The following LRRC27 variants were observed in gnomAD, a reference collection of about 807,000 sequenced individuals.
LRRC27 encodes leucine rich repeat containing 27, also known as leucine-rich repeat-containing protein 27.
LRRC27 carries 57 observed loss-of-function variants against 55.0 expected under a neutral mutation model. The ratio of observed to expected loss-of-function variants is 1.04; its 90% CI spans 0.84 to 1.29. The LOEUF (loss-of-function observed/expected upper bound fraction) is 1.29, where lower values mean the gene tolerates loss of function less well. Among genes scored for constraint, LRRC27 ranks in the 50% most tolerant of loss-of-function variants. The probability of loss-of-function intolerance (pLI) is 0.00; values close to 1 mark genes in which losing one functional copy is unlikely to be tolerated. For missense variants in LRRC27, 721 were observed against 651.5 expected (o/e 1.11, Z -1.16); for synonymous variants, 278 against 251.9 (o/e 1.10, Z -0.98).
At chr10:132,349,054 G>A in intron 6 of LRRC27, 1 of 1,603,926 alleles carries the variant, frequency 6.2e-7, no homozygotes, top group African/African-American at 1.3e-5. Context: ...TACACATATG[G>A]GAGGTATGTA....
In LRRC27 at chr10:132,375,705, G is replaced by A. The variant is rs2069329084; in HGVS notation, c.*463G>A. On this transcript the variant is annotated 3_prime_UTR_variant, in exon 11 of 11. Transcript: ENST00000368614. ...GGTGACAGCCAAAAAGGGCTTCGGG[G>A]GAGTGGTTACCCTGCTCCCTGCCCA... 1 of 153,638 alleles carries A rather than the reference G, an allele frequency of 6.5e-6. No individual in the cohort carries two copies. Among genetic ancestry groups the A allele is most frequent in the African/African-American group, 2.4e-5 (1 of 41,452 alleles). 9.5% of individuals were successfully genotyped at this position (153,638 alleles called of 1,614,324 possible). A position where few individuals can be genotyped will look rare whatever the true frequency, so the allele number is the denominator to read the frequency against.
intron 8 of LRRC27, among the ~76,000 whole-genome samples, chr10:132,360,133 C>T (rs1037712983): frequency 4.0e-5 from 6 of 150,904 alleles, no homozygotes; most frequent in Admixed American, 6.6e-5. Context: ...TATTTATTTA[C>T]GAGACAGGCT....
intron 10 of LRRC27, among the ~76,000 whole-genome samples, chr10:132,367,806 A>C (rs2069131248): frequency 6.6e-6 from 1 of 152,262 alleles, no homozygotes; most frequent in Non-Finnish European, 1.5e-5. Flanking sequence ...GGAGCAAGGC[A>C]AAGATATTCC....
chr10:132,340,319 G>A (rs1426373446), intron 3 of LRRC27, among the ~76,000 whole-genome samples: 5 of 152,118 alleles, frequency 3.3e-5, no homozygotes, highest in Non-Finnish European at 5.9e-5. Context: ...AGAAAAACCC[G>A]TGCTGTACTT....
chr10:132,363,769 C>G (rs753814293), intron 9 of LRRC27, among the ~76,000 whole-genome samples: 1 of 152,130 alleles, frequency 6.6e-6, no homozygotes, highest in African/African-American at 2.4e-5. Context: ...CTCAGTTTAA[C>G]GTACCCTGGA....
At chr10:132,354,255 C>T (rs1007017529) in intron 7 of LRRC27, among the ~76,000 whole-genome samples, 5 of 152,244 alleles carry the variant, frequency 3.3e-5, no homozygotes, top group Non-Finnish European at 5.9e-5. Flanking sequence ...CTTTATTTTC[C>T]TGCCTGGAGC....
intron 8 of LRRC27, among the ~76,000 whole-genome samples, chr10:132,356,097 A>T: frequency 6.6e-6 from 1 of 152,158 alleles, no homozygotes; most frequent in East Asian, 1.9e-4. Flanking sequence ...GGAGTGCAGC[A>T]TCCAGAACCA....
At chr10:132,343,545 G>A (rs2067522034) in intron 4 of LRRC27, among the ~76,000 whole-genome samples, 1 of 152,230 alleles carries the variant, frequency 6.6e-6, no homozygotes. Flanking sequence ...AGAGTCACTT[G>A]CCACAGGATT....
chr10:132,381,357 T>G lies in LRRC27; in HGVS notation c.*6115T>G, dbSNP rs967959627. 1.3e-5 allele frequency among the ~76,000 whole-genome samples: 2 copies of G among 152,260 alleles called. No individual in the cohort carries two copies. The highest frequency in any genetic ancestry group is 2.4e-5 in the African/African-American group (1 of 41,468). ...GGGCCTTCGGCCACAGACTGAAGGC[T>G]GCACTGTCGGCTTCCCTCCTTTAGA... On this transcript the variant is annotated 3_prime_UTR_variant, in exon 11 of 11. Transcript: ENST00000368614.
intron 10 of LRRC27, among the ~76,000 whole-genome samples, chr10:132,369,111 ACACT>A (rs980954380): frequency 8.5e-5 from 13 of 152,198 alleles, no homozygotes; most frequent in African/African-American, 3.1e-4. Context: ...AAAATCCAAA[ACACT>A]CACCACCAAA....
chr10:132,353,206 C>G, intron 7 of LRRC27: 1 of 1,367,624 alleles, frequency 7.3e-7, no homozygotes, highest in Non-Finnish European at 9.5e-7. Flanking sequence ...TCTTTACTTT[C>G]CCGGCTTCTT....
Position 132,347,854 on chromosome 10 carries a change from A to G in LRRC27, c.554-130A>G, listed in dbSNP as rs1257077187. 3.5e-6 allele frequency: 4 copies of G among 1,152,766 alleles called. No homozygotes were observed. In the East Asian group the frequency reaches 7.1e-5, roughly 20 times the overall value. The allele number at this position is 1,152,766 out of a possible 1,614,324, so 71.4% of individuals were successfully genotyped here. A position where few individuals can be genotyped will look rare whatever the true frequency, so the allele number is the denominator to read the frequency against. On this transcript the variant is annotated intron_variant, in intron 5 of 10. Coordinates refer to ENST00000368614, the MANE Select transcript of LRRC27 (RefSeq NM_030626.3). ...GGTGACGGGAATTGTTTGGATTGAC[A>G]GGGAACGTGGCAGCCATGGAGGATC...
Position 132,339,486 on chromosome 10 carries a change from G to A in LRRC27, c.341+1791G>A, listed in dbSNP as rs183475476. Among the ~76,000 whole-genome samples the A allele has an allele frequency of 3.1e-3, 467 of 152,290 alleles. 1 individual carries two copies. Among genetic ancestry groups the A allele is most frequent in the African/African-American group, 0.011 (446 of 41,566 alleles). ...CTAGGGACTCTGGGGTCTGCAGGGC[G>A]GACCACAGACGGACCTGGAGGAGAA... On this transcript the variant is annotated intron_variant, in intron 3 of 10. Coordinates refer to ENST00000368614, the MANE Select transcript of LRRC27 (RefSeq NM_030626.3).
At chr10:132,362,378 T>C (rs1260866241) in intron 9 of LRRC27, among the ~76,000 whole-genome samples, 1 of 152,054 alleles carries the variant, frequency 6.6e-6, no homozygotes, top group Non-Finnish European at 1.5e-5. Context: ...AGGCATGCAC[T>C]TGGCACTGGG....
At chr10:132,365,015 T>G (rs375822599) in intron 9 of LRRC27, among the ~76,000 whole-genome samples, 7 of 152,278 alleles carry the variant, frequency 4.6e-5, no homozygotes, top group Non-Finnish European at 2.9e-5. Flanking sequence ...CATAATTGAA[T>G]ACACTTTTCT....
chr10:132,357,198 C>T lies in LRRC27; in HGVS notation c.1170+1312C>T, dbSNP rs1296228664. ...AGTTAGGAATTCACAGTGTCCAATG[C>T]GTTGGATAAACCAGGACTGCATCTC... On this transcript the variant is annotated intron_variant, in intron 8 of 10. Transcript: ENST00000368614. Among the ~76,000 whole-genome samples, 3 of 152,238 alleles carry T rather than the reference C, an allele frequency of 2.0e-5. No individual in the cohort carries two copies. In the East Asian group the frequency reaches 5.8e-4, roughly 29 times the overall value.
chr10:132,371,538 G>A (rs552098374), intron 10 of LRRC27, among the ~76,000 whole-genome samples: 1 of 152,328 alleles, frequency 6.6e-6, no homozygotes, highest in South Asian at 2.1e-4. Context: ...TCCTCAGGAT[G>A]AGGAAATGGA....
intron 7 of LRRC27, among the ~76,000 whole-genome samples, 182 bp downstream of exon 7, chr10:132,351,935 T>C (rs3117448): frequency 0.88 from 133,251 of 152,154 alleles, 58,740 homozygotes; most frequent in African/African-American, 0.97. Context: ...TTGTGGTCTG[T>C]AGCGCCACGC....
chr10:132,370,900 G>A (rs2069197255), intron 10 of LRRC27, among the ~76,000 whole-genome samples: 1 of 152,244 alleles, frequency 6.6e-6, no homozygotes, highest in Non-Finnish European at 1.5e-5. Flanking sequence ...CCTCCCTGCA[G>A]GTGAAGTCTC....
Sources: gnomAD v4.1 joint callset for allele counts (sites outside exome capture counted in the v4.1 genomes callset) on GRCh38, gnomAD v4.1.1 for gene constraint, MANE v1.5 for transcripts, NCBI Gene and HGNC (gene_info 2026-07-23, HGNC 2026-07-21) for gene names.